SGCZ: variants seen among roughly 807,000 people sequenced by gnomAD.
SGCZ encodes zeta-sarcoglycan.
Under a neutral mutation model 41.3 loss-of-function variants are expected in SGCZ, and 40 were observed. The ratio of observed to expected loss-of-function variants is 0.97; its 90% confidence interval spans 0.75 to 1.26. SGCZ has a LOEUF of 1.26. SGCZ is among the 50% of genes most tolerant of loss of function. The probability of loss-of-function intolerance (pLI) is 0.00; values close to 1 mark genes in which losing one functional copy is unlikely to be tolerated. For synonymous variants in SGCZ, 206 were observed against 137.5 expected (o/e 1.50, Z -3.49); for missense variants, 552 against 369.8 (o/e 1.49, Z -4.04).
rs1186232470 is a variant in SGCZ at position 14,085,482 on chromosome 8, A to G, written c.*4961T>C. 1.3e-5 allele frequency among the ~76,000 whole-genome samples: 2 copies of G among 151,770 alleles called. No individual in the cohort carries two copies. The highest frequency in any genetic ancestry group is 1.3e-4 in the Admixed American group (2 of 15,192). ...CTAAGACTGAAAAAAACAAAAAATA[A>G]CTACAGTTCATTATATCTCATTTCC... On this transcript the variant is annotated 3_prime_UTR_variant, in exon 8 of 8. Coordinates refer to ENST00000382080, the MANE Select transcript of SGCZ (RefSeq NM_139167.4).
At chr8:14,720,892 C>T (rs941316895) in intron 1 of SGCZ, among the ~76,000 whole-genome samples, 8 of 144,812 alleles carry the variant, frequency 5.5e-5, no homozygotes, top group Non-Finnish European at 9.0e-5. Flanking sequence ...AGGTTTTTTC[C>T]CCAATACTTC....
intron 3 of SGCZ, among the ~76,000 whole-genome samples, chr8:14,260,505 T>C (rs1799620516): frequency 6.8e-6 from 1 of 146,554 alleles, no homozygotes; most frequent in Admixed American, 7.0e-5. Context: ...GGCGGGACTG[T>C]AAACTAGTTC....
At chr8:14,371,853 AAG>A (rs966705565) in intron 2 of SGCZ, among the ~76,000 whole-genome samples, 20 of 152,250 alleles carry the variant, frequency 1.3e-4, no homozygotes, top group African/African-American at 4.8e-4. Flanking sequence ...GAGAAGAAAA[AAG>A]AGCTAAATTT....
intron 4 of SGCZ, among the ~76,000 whole-genome samples, chr8:14,212,664 G>T (rs369001644): frequency 6.6e-6 from 1 of 152,028 alleles, no homozygotes. Flanking sequence ...TTTAAAATTT[G>T]AAAATTACTC....
At chr8:14,257,889 T>C (rs1799519582) in intron 3 of SGCZ, among the ~76,000 whole-genome samples, 1 of 152,202 alleles carries the variant, frequency 6.6e-6, no homozygotes, top group Non-Finnish European at 1.5e-5. Context: ...TATATTCTTA[T>C]ATTTGAAACT....
intron 5 of SGCZ, among the ~76,000 whole-genome samples, chr8:14,116,826 G>T (rs1802537955): frequency 1.3e-5 from 2 of 152,014 alleles, no homozygotes; most frequent in African/African-American, 4.8e-5. Context: ...CGTTTCTCCA[G>T]AACCAATGTC....
At chr8:14,336,984 A>G (rs1802525906) in intron 2 of SGCZ, among the ~76,000 whole-genome samples, 1 of 152,138 alleles carries the variant, frequency 6.6e-6, no homozygotes, top group Admixed American at 6.5e-5. Context: ...TTCCAGGTGT[A>G]CAGAGGGAAG....
At chr8:15,068,886 A>G (rs945791614) in intron 1 of SGCZ, among the ~76,000 whole-genome samples, 3 of 152,192 alleles carry the variant, frequency 2.0e-5, no homozygotes, top group Non-Finnish European at 4.4e-5. Context: ...ACATTTCTGT[A>G]TAGTATTAAG....
At chr8:15,038,467 A>G (rs1485635252) in intron 1 of SGCZ, among the ~76,000 whole-genome samples, 1 of 152,052 alleles carries the variant, frequency 6.6e-6, no homozygotes, top group Admixed American at 6.5e-5. Flanking sequence ...AAAATTGACT[A>G]AAGAGTTTAA....
intron 4 of SGCZ, among the ~76,000 whole-genome samples, chr8:14,183,350 T>G (rs918617454): frequency 6.6e-6 from 1 of 152,064 alleles, no homozygotes; most frequent in African/African-American, 2.4e-5. Context: ...TAGAAAATCA[T>G]AACTCTTCTT....
chr8:14,989,758 C>T (rs938813685), intron 1 of SGCZ, among the ~76,000 whole-genome samples: 3 of 151,992 alleles, frequency 2.0e-5, no homozygotes, highest in South Asian at 2.1e-4. Flanking sequence ...AAAGAGAGAT[C>T]GAAAATAAGA....
At chr8:14,732,531 C>T (rs1798894400) in intron 1 of SGCZ, among the ~76,000 whole-genome samples, 2 of 152,188 alleles carry the variant, frequency 1.3e-5, no homozygotes, top group South Asian at 2.1e-4. Flanking sequence ...CCCAGTCCCA[C>T]CTGCAGCTGT....
chr8:14,231,187 G>GTGTGTGTT (rs1354528265), intron 4 of SGCZ, among the ~76,000 whole-genome samples: 6 of 150,788 alleles, frequency 4.0e-5, no homozygotes, highest in Non-Finnish European at 7.4e-5. Flanking sequence ...GTGTGTGTGT[G>GTGTGTGTT]TGTGTGTGTA....
At chr8:15,186,819 A>G (rs1800362251) in intron 1 of SGCZ, among the ~76,000 whole-genome samples, 1 of 152,200 alleles carries the variant, frequency 6.6e-6, no homozygotes, top group African/African-American at 2.4e-5. Flanking sequence ...TTTTGCCCAA[A>G]GTATTAACTG....
intron 5 of SGCZ, among the ~76,000 whole-genome samples, chr8:14,147,935 C>T (rs1415285683): frequency 6.6e-6 from 1 of 151,998 alleles, no homozygotes; most frequent in East Asian, 1.9e-4. Context: ...AGAAATTAAA[C>T]CATGTGCTCC....
At chr8:14,127,730 A>C (rs1473372609) in intron 5 of SGCZ, among the ~76,000 whole-genome samples, 1 of 152,192 alleles carries the variant, frequency 6.6e-6, no homozygotes, top group South Asian at 2.1e-4. Flanking sequence ...TGCTGGGATT[A>C]CATGCATGAG....
At chr8:14,862,652 T>C (rs1803795854) in intron 1 of SGCZ, among the ~76,000 whole-genome samples, 1 of 148,830 alleles carries the variant, frequency 6.7e-6, no homozygotes, top group Non-Finnish European at 1.5e-5. Flanking sequence ...CAAACCCACT[T>C]TTGTGTTTGG....
intron 2 of SGCZ, among the ~76,000 whole-genome samples, chr8:14,481,509 C>G (rs1801534141): frequency 6.6e-6 from 1 of 151,994 alleles, no homozygotes; most frequent in Admixed American, 6.6e-5. Flanking sequence ...TAAATTTGAC[C>G]AAACATTTTG....
At chr8:14,158,452 T>C (rs956908855) in intron 5 of SGCZ, among the ~76,000 whole-genome samples, 2 of 152,054 alleles carry the variant, frequency 1.3e-5, no homozygotes, top group African/African-American at 4.8e-5. Flanking sequence ...CCCACCTAGA[T>C]TGAGGGTTAG....
Sources: gnomAD v4.1 joint callset for allele counts (sites outside exome capture counted in the v4.1 genomes callset) on GRCh38, gnomAD v4.1.1 for gene constraint, MANE v1.5 for transcripts, NCBI Gene and HGNC (gene_info 2026-07-23, HGNC 2026-07-21) for gene names.